CDK19: variants seen among roughly 807,000 people sequenced by gnomAD.
CDK19 encodes the protein cyclin-dependent kinase 19.
In CDK19, 20 loss-of-function variants were observed where a neutral mutation model predicts 68.3. The ratio of observed to expected loss-of-function variants is 0.29; its 90% CI spans 0.21 to 0.43. CDK19 has a LOEUF of 0.43. Ranked by LOEUF, CDK19 falls within the 20% of genes least tolerant of loss-of-function variation. CDK19 has a pLI of 1.00. For missense variants in CDK19, 339 were observed against 623.5 expected (o/e 0.54, Z 4.86); for synonymous variants, 221 against 222.8 (o/e 0.99, Z 0.07).
At chr6:110,692,545 A>G (rs1773096381) in intron 2 of CDK19, among the ~76,000 whole-genome samples, 1 of 152,220 alleles carries the variant, frequency 6.6e-6, no homozygotes, top group African/African-American at 2.4e-5. Flanking sequence ...GAGACAATAA[A>G]AAGTTTGGAA....
chr6:110,774,348 T>C (rs1282083655), intron 1 of CDK19, among the ~76,000 whole-genome samples: 4 of 152,196 alleles, frequency 2.6e-5, no homozygotes, highest in Non-Finnish European at 5.9e-5. Context: ...CTGCCTGAAA[T>C]CTGGGATAGT....
chr6:110,716,073 TA>T (rs2114715264), intron 2 of CDK19, among the ~76,000 whole-genome samples: 1 of 152,292 alleles, frequency 6.6e-6, no homozygotes, highest in East Asian at 1.9e-4. Context: ...ATCACATAAC[TA>T]ATATTATAAT....
chr6:110,669,226 T>C (rs939003444), intron 3 of CDK19, among the ~76,000 whole-genome samples: 1 of 152,232 alleles, frequency 6.6e-6, no homozygotes, highest in Non-Finnish European at 1.5e-5. Context: ...TATAATAGCA[T>C]ACACTCTGAA....
intron 3 of CDK19, among the ~76,000 whole-genome samples, chr6:110,668,555 G>A (rs947672559): frequency 7.9e-5 from 12 of 152,134 alleles, no homozygotes; most frequent in African/African-American, 2.2e-4. Flanking sequence ...AAAAGAGGCT[G>A]GGTGTGGTGG....
At position 110,623,978 on chromosome 6, in the gene CDK19, A is replaced by C. The variant is rs980359292; in HGVS notation, c.861-616T>G. Reference sequence around the variant, plus strand: ...ATATAGACAATCCAAATGTCCATCAACTGAAAAATGGGTACATTTTTATAC... The same window carrying C: ...ATATAGACAATCCAAATGTCCATCACCTGAAAAATGGGTACATTTTTATAC... On this transcript the variant is annotated intron_variant, in intron 8 of 12. Coordinates refer to ENST00000368911, the MANE Select transcript of CDK19 (RefSeq NM_015076.5). 5.3e-5 allele frequency among the ~76,000 whole-genome samples: 8 copies of C among 150,310 alleles called. No individual in the cohort carries two copies. The East Asian group carries it at 1.6e-3, about 29-fold the overall frequency.
intron 4 of CDK19, among the ~76,000 whole-genome samples, chr6:110,651,073 G>A (rs539014372): frequency 2.6e-5 from 4 of 152,222 alleles, no homozygotes; most frequent in Middle Eastern, 3.4e-3. Context: ...AGTAAGGACC[G>A]GAAATCAAGA....
At chr6:110,683,848 C>T (rs1582856314) in intron 2 of CDK19, among the ~76,000 whole-genome samples, 1 of 151,100 alleles carries the variant, frequency 6.6e-6, no homozygotes, top group East Asian at 1.9e-4. Context: ...ATCACAGACA[C>T]ATGCCACCAT....
intron 1 of CDK19, among the ~76,000 whole-genome samples, chr6:110,767,168 A>T (rs886967756): frequency 2.6e-5 from 4 of 151,928 alleles, no homozygotes; most frequent in African/African-American, 9.7e-5. Flanking sequence ...AAAAAAAAAA[A>T]AGTTAACCTC....
intron 5 of CDK19, among the ~76,000 whole-genome samples, chr6:110,633,079 C>T (rs112570736): frequency 4.6e-5 from 7 of 151,832 alleles, no homozygotes; most frequent in African/African-American, 1.5e-4. Flanking sequence ...ATTAGCTGGG[C>T]GTGGTGGCGC....
intron 2 of CDK19, among the ~76,000 whole-genome samples, chr6:110,734,365 TA>T (rs1777015046): frequency 6.6e-6 from 1 of 152,164 alleles, no homozygotes; most frequent in South Asian, 2.1e-4. Context: ...AGGGTAACCC[TA>T]GTTGCAGCAG....
At chr6:110,749,696 A>G (rs368353516) in intron 1 of CDK19, among the ~76,000 whole-genome samples, 20 of 152,070 alleles carry the variant, frequency 1.3e-4, no homozygotes, top group Non-Finnish European at 2.4e-4. Context: ...AATTCTATAG[A>G]GAGTAGAAAA....
In CDK19 at chr6:110,794,649, C is replaced by T. The variant is rs192693742; in HGVS notation, c.128+20360G>A. Among the ~76,000 whole-genome samples the T allele has an allele frequency of 5.2e-3, 788 of 151,414 alleles. 3 individuals are homozygous for T. Among genetic ancestry groups the T allele is most frequent in the Middle Eastern group, 0.017 (5 of 288 alleles). ...CGATCTCCTGACCTCGTGATCCACC[C>T]GCCTCAGCCTCCCAAAGTGCTGGGA... is the stretch of plus-strand genomic sequence containing the variant. On this transcript the variant is annotated intron_variant, in intron 1 of 12. Coordinates refer to ENST00000368911, the MANE Select transcript of CDK19 (RefSeq NM_015076.5).
intron 4 of CDK19, chr6:110,646,222 C>A (rs1285837303): frequency 3.4e-6 from 5 of 1,454,864 alleles, no homozygotes; most frequent in Non-Finnish European, 4.6e-6. Context: ...GGGTCCGACG[C>A]GCAGGAGCTG....
At chr6:110,624,273 T>C (rs1013344913) in intron 8 of CDK19, among the ~76,000 whole-genome samples, 3 of 152,070 alleles carry the variant, frequency 2.0e-5, no homozygotes, top group Non-Finnish European at 4.4e-5. Flanking sequence ...CAGGGTACTT[T>C]AGTAATCTTA....
intron 4 of CDK19, among the ~76,000 whole-genome samples, chr6:110,666,910 TA>T (rs1344024614): frequency 2.0e-5 from 3 of 151,972 alleles, no homozygotes; most frequent in Admixed American, 6.6e-5. Flanking sequence ...GTATACTGAA[TA>T]AAAAAAAGTA....
Position 110,815,342 on chromosome 6 carries a change from C to A in CDK19, c.-206G>T. ...GCAGCCACCTCCTCCACCTCTTCCT[C>A]CTCCTCCTCCGCGACGGCGGCGGCG... On this transcript the variant is annotated 5_prime_UTR_variant, in exon 1 of 13. Transcript: ENST00000368911. 1 of 431,220 alleles carries A rather than the reference C, an allele frequency of 2.3e-6. No homozygotes were observed. The highest frequency in any genetic ancestry group is 3.9e-6 in the Non-Finnish European group (1 of 255,864). 26.7% of individuals were successfully genotyped at this position (431,220 alleles called of 1,614,324 possible). A position where few individuals can be genotyped will look rare whatever the true frequency, so the allele number is the denominator to read the frequency against.
chr6:110,723,140 AAAACAAAAAAC>A (rs1348960405), intron 2 of CDK19, among the ~76,000 whole-genome samples: 7 of 98,164 alleles, frequency 7.1e-5, no homozygotes, highest in Non-Finnish European at 1.8e-4. Flanking sequence ...TTTGTCAAAA[AAAACAAAAAAC>A]AAAAAAAAAA....
chr6:110,682,719 A>G (rs1467714632), intron 2 of CDK19, among the ~76,000 whole-genome samples: 1 of 152,216 alleles, frequency 6.6e-6, no homozygotes, highest in Non-Finnish European at 1.5e-5. Flanking sequence ...CAAAAAATAT[A>G]GGTTTTAGAA....
intron 2 of CDK19, among the ~76,000 whole-genome samples, chr6:110,696,651 G>A (rs1773508739): frequency 1.3e-5 from 2 of 152,180 alleles, no homozygotes. Flanking sequence ...GCCGGGTGTG[G>A]TGGCTCACGT....
Sources: gnomAD v4.1 joint callset for allele counts (sites outside exome capture counted in the v4.1 genomes callset) on GRCh38, gnomAD v4.1.1 for gene constraint, MANE v1.5 for transcripts, NCBI Gene and HGNC (gene_info 2026-07-23, HGNC 2026-07-21) for gene names.